SOS1: variants seen among roughly 807,000 people sequenced by gnomAD.
SOS1 encodes the protein SOS Ras/Rac guanine nucleotide exchange factor 1.
In SOS1, 25 loss-of-function variants were observed where a neutral mutation model predicts 157.6. The observed-to-expected ratio is 0.16, with a 90% CI of 0.12 to 0.22. SOS1 has a LOEUF of 0.22. SOS1 is among the 10% of genes least tolerant of loss of function. The pLI is 1.00. For missense variants in SOS1, 1,237 were observed against 1,599.1 expected (o/e 0.77, Z 3.86); for synonymous variants, 528 against 534.0 (o/e 0.99, Z 0.16).
chr2:39,049,776 TGTTAA>T (rs1393411875), intron 6 of SOS1, among the ~76,000 whole-genome samples: 7 of 152,224 alleles, frequency 4.6e-5, no homozygotes, highest in Admixed American at 1.3e-4. Flanking sequence ...TGGGAAACTT[TGTTAA>T]GTTATTATTG....
At chr2:39,103,008 T>C (rs982260854) in intron 1 of SOS1, among the ~76,000 whole-genome samples, 7 of 152,098 alleles carry the variant, frequency 4.6e-5, no homozygotes, top group African/African-American at 1.4e-4. Context: ...TCTATGCATA[T>C]GCAATGAATA....
intron 2 of SOS1, among the ~76,000 whole-genome samples, chr2:39,060,608 T>G (rs1356088382): frequency 6.6e-6 from 1 of 152,154 alleles, no homozygotes; most frequent in Non-Finnish European, 1.5e-5. Flanking sequence ...GTATTTTTAG[T>G]AGAGATGGGT....
At chr2:39,118,428 T>C (rs1278501830) in intron 1 of SOS1, among the ~76,000 whole-genome samples, 2 of 152,256 alleles carry the variant, frequency 1.3e-5, no homozygotes, top group East Asian at 3.8e-4. Context: ...ATTTTCAATC[T>C]TGTTTAGAAT....
intron 21 of SOS1, among the ~76,000 whole-genome samples, chr2:38,988,745 T>G (rs1039173270): frequency 1.8e-4 from 27 of 152,126 alleles, no homozygotes; most frequent in African/African-American, 6.5e-4. Context: ...GACTTGTTAG[T>G]TTACCTTACA....
At chr2:39,087,945 C>G (rs1235093856) in intron 1 of SOS1, among the ~76,000 whole-genome samples, 1 of 151,824 alleles carries the variant, frequency 6.6e-6, no homozygotes. Flanking sequence ...TCCCAAAGTG[C>G]TGGGATCACA....
rs1673844783 is a variant in SOS1 at position 39,120,653 on chromosome 2, G to C, written c.-231C>G. The C allele has an allele frequency of 4.1e-6, 1 of 245,580 alleles. No individual in the cohort carries two copies. Among genetic ancestry groups the C allele is most frequent in the Non-Finnish European group, 6.4e-6 (1 of 156,242 alleles). 15.2% of individuals were successfully genotyped at this position (245,580 alleles called of 1,614,324 possible). On this transcript the variant is annotated 5_prime_UTR_variant, in exon 1 of 23. Transcript: ENST00000402219. ...AGCCGTGGAGAACGGACGCGGCCCG[G>C]AGGCGGCGGCATCCCGCACCACCGC...
intron 5 of SOS1, 65 bp from the exon 6 acceptor site, chr2:39,051,352 G>A (rs1287558684): frequency 7.0e-7 from 1 of 1,431,136 alleles, no homozygotes; most frequent in Non-Finnish European, 9.8e-7. Flanking sequence ...CAAATTTTGA[G>A]CCAATAAGTC....
At chr2:39,123,050 C>T (rs1267555495), upstream of SOS1, among the ~76,000 whole-genome samples, 1 of 152,192 alleles carries the variant, frequency 6.6e-6, no homozygotes. Flanking sequence ...CCATTCACAA[C>T]CTCGCCTCAC....
chr2:39,032,818 G>C (rs535280977), intron 8 of SOS1, among the ~76,000 whole-genome samples: 3 of 151,998 alleles, frequency 2.0e-5, no homozygotes, highest in Admixed American at 2.0e-4. Flanking sequence ...AAAATTAGTC[G>C]GCTGTGGTGG....
chr2:39,058,620 T>G, intron 3 of SOS1, 53 bp downstream of exon 3: 1 of 1,570,776 alleles, frequency 6.4e-7, no homozygotes, highest in Admixed American at 1.7e-5. Context: ...TGTATAAAAA[T>G]GGTGGGTTTT....
chr2:39,109,893 C>T (rs1028445209), intron 1 of SOS1, among the ~76,000 whole-genome samples: 2 of 152,136 alleles, frequency 1.3e-5, no homozygotes, highest in African/African-American at 4.8e-5. Context: ...AATACTAAAA[C>T]ATAGCTTTTA....
intron 6 of SOS1, among the ~76,000 whole-genome samples, chr2:39,040,971 G>T (rs1670549697): frequency 6.6e-6 from 1 of 152,176 alleles, no homozygotes; most frequent in African/African-American, 2.4e-5. Context: ...AAATACGAGG[G>T]TCTCAAATTC....
At chr2:39,069,739 G>A (rs1286967275) in intron 1 of SOS1, among the ~76,000 whole-genome samples, 2 of 152,192 alleles carry the variant, frequency 1.3e-5, no homozygotes, top group Admixed American at 6.5e-5. Context: ...GTGGAGACGG[G>A]GTTTCACCAC....
At chr2:39,121,346 G>GGT (rs1415849212), upstream of SOS1, among the ~76,000 whole-genome samples, 2 of 152,132 alleles carry the variant, frequency 1.3e-5, no homozygotes, top group East Asian at 1.9e-4. Context: ...TTCGGAAAGG[G>GGT]GTGTGTGTAC....
chr2:38,986,270 G>T lies in SOS1; in HGVS notation c.3556C>A (p.Gln1186Lys). 6.2e-7 allele frequency: 1 copy of T among 1,613,546 alleles called. No individual in the cohort carries two copies. Among genetic ancestry groups the T allele is most frequent in the Non-Finnish European group, 8.5e-7 (1 of 1,179,734 alleles). The change falls in exon 23 of 23, where the codon CAA (glutamine) becomes AAA (lysine). Residue 1186 changes from glutamine (Q) to lysine (K), a missense_variant. By Grantham distance (53) the Gln-to-Lys change is moderately conservative. Transcript: ENST00000402219. ...LDSPPAIPPR[Q>K]PTSKAYSPRY... ...GGTGAATAGGCTTTTGATGTGGGTTGCCTAGGAGGAATGGCTGGGGGACTG... is the reference window on the plus strand; with the variant it reads ...GGTGAATAGGCTTTTGATGTGGGTTTCCTAGGAGGAATGGCTGGGGGACTG...
Position 39,118,886 on chromosome 2 carries a change from A to G in SOS1, c.87+1450T>C, listed in dbSNP as rs556874994. Among the ~76,000 whole-genome samples, 7 of 152,310 alleles carry G rather than the reference A, an allele frequency of 4.6e-5. 2 individuals are homozygous for G. The South Asian group carries it at 1.5e-3, about 32-fold the overall frequency. On this transcript the variant is annotated intron_variant, in intron 1 of 22. Coordinates refer to ENST00000402219, the MANE Select transcript of SOS1 (RefSeq NM_005633.4). ...TAAACAACGTCTGTCAACTCCTACAATATTCTTTCCACTGCTTCAAAGGAT... is the reference window on the plus strand; with the variant it reads ...TAAACAACGTCTGTCAACTCCTACAGTATTCTTTCCACTGCTTCAAAGGAT...
chr2:39,036,941 G>A (rs1670376330), intron 6 of SOS1, among the ~76,000 whole-genome samples: 1 of 152,176 alleles, frequency 6.6e-6, no homozygotes, highest in African/African-American at 2.4e-5. Context: ...AAAGTGCTGG[G>A]ATTACAGGTG....
chr2:38,996,952 T>C lies in SOS1; in HGVS notation c.3051A>G (p.Glu1017=). ...DYLFNKSLEI[E]PRNPKPLPRF... is the part of the protein sequence containing the mutation. Reference sequence around the variant, plus strand: ...TTGGGAGAGGCTTAGGGTTTCGTGGTTCTATTTCTAGGGATTTGTTGAAAA... The same window carrying C: ...TTGGGAGAGGCTTAGGGTTTCGTGGCTCTATTTCTAGGGATTTGTTGAAAA... Residue 1017 remains glutamate, a synonymous_variant, in exon 19 of 23, where the codon GAA becomes GAG. Transcript: ENST00000402219. The C allele has an allele frequency of 6.3e-7, 1 of 1,592,278 alleles. No homozygotes were observed. The highest frequency in any genetic ancestry group is 8.6e-7 in the Non-Finnish European group (1 of 1,160,372).
chr2:39,001,058 T>C (rs537599716), intron 17 of SOS1, among the ~76,000 whole-genome samples: 48 of 152,282 alleles, frequency 3.2e-4, no homozygotes, highest in African/African-American at 1.2e-3. Context: ...CCTTTTACCT[T>C]AGAAAAAATT....
Sources: allele counts gnomAD v4.1 joint callset (sites outside exome capture counted in the v4.1 genomes callset), GRCh38; gene constraint gnomAD v4.1.1; transcripts MANE v1.5; gene names NCBI Gene and HGNC (gene_info 2026-07-23, HGNC 2026-07-21).